Variants in OR56A3 observed in about 807,000 individuals in gnomAD.
OR56A3 encodes the protein olfactory receptor 56A3.
Under a neutral mutation model 17.5 loss-of-function variants are expected in OR56A3, and 23 were observed. The ratio of observed to expected loss-of-function variants is 1.32; its 90% CI spans 0.95 to 1.87. The LOEUF (loss-of-function observed/expected upper bound fraction) is 1.87, where lower values mean the gene tolerates loss of function less well. OR56A3 is among the 40% of genes most tolerant of loss of function. The probability of loss-of-function intolerance (pLI) is 0.00; values close to 1 mark genes in which losing one functional copy is unlikely to be tolerated. For synonymous variants in OR56A3, 175 were observed against 150.6 expected (o/e 1.16, Z -1.19); for missense variants, 366 against 380.1 (o/e 0.96, Z 0.31).
At chr11:6,007,949 C>A in the OR56A3 span, among the ~76,000 whole-genome samples, 1 of 152,136 alleles carries the variant, frequency 6.6e-6, no homozygotes, top group South Asian at 2.1e-4. Context: ...ATCTTCATGG[C>A]TTTTCTTTGT....
chr11:6,012,972 G>A, the OR56A3 span, among the ~76,000 whole-genome samples: 1 of 152,220 alleles, frequency 6.6e-6, no homozygotes. Flanking sequence ...CATGCAGCAG[G>A]AGCAGGCACC....
chr11:5,963,881 T>C, the OR56A3 span, among the ~76,000 whole-genome samples: 1 of 152,140 alleles, frequency 6.6e-6, no homozygotes, highest in Non-Finnish European at 1.5e-5. Flanking sequence ...CCATAAGCTT[T>C]CTTTATTCTT....
chr11:5,950,133 T>C lies in OR56A3; in HGVS notation c.*1839T>C, dbSNP rs756923992. 4 of 152,292 alleles carry C rather than the reference T, an allele frequency of 2.6e-5. No individual in the cohort carries two copies. Among genetic ancestry groups the C allele is most frequent in the Middle Eastern group, 3.4e-3 (1 of 294 alleles). 9.4% of individuals were successfully genotyped at this position (152,292 alleles called of 1,614,324 possible). ...ACCACCTCTTAGGAAATATTAAAAA[T>C]CTGAAAGTTTTAACAATATGCTATA... On this transcript the variant is annotated 3_prime_UTR_variant, in exon 3 of 3. Transcript: ENST00000641160.
chr11:5,985,792 T>C, the OR56A3 span: 1 of 699,126 alleles, frequency 1.4e-6, no homozygotes, highest in Non-Finnish European at 2.3e-6. Context: ...GCCAAGTATC[T>C]GTGGGTGTTC....
At chr11:5,982,649 C>A in the OR56A3 span, among the ~76,000 whole-genome samples, 1 of 152,138 alleles carries the variant, frequency 6.6e-6, no homozygotes, top group Non-Finnish European at 1.5e-5. Context: ...AGGAGCATGG[C>A]AAGCCTTGGG....
chr11:5,947,994 C>T lies in OR56A3; in HGVS notation c.648C>T (p.Ile216=), dbSNP rs1364971155. ...GGACTCTGCTAGGATCTGACCTCAT[C>T]CTTATCTTCCTCTCCTACACCTTCA... The part of the protein sequence containing the change: ...GGWTLLGSDL[I]LIFLSYTFIL... Residue 216 remains isoleucine (I), a synonymous_variant, in exon 3 of 3, where the codon ATC becomes ATT. Transcript: ENST00000641160. 1 of 1,614,210 alleles carries T rather than the reference C, an allele frequency of 6.2e-7. No individual in the cohort carries two copies. The highest frequency in any genetic ancestry group is 1.7e-5 in the Admixed American group (1 of 60,026).
chr11:5,970,115 C>T, the OR56A3 span, among the ~76,000 whole-genome samples: 1 of 151,952 alleles, frequency 6.6e-6, no homozygotes, highest in East Asian at 1.9e-4. Flanking sequence ...TGTAAACTAT[C>T]AAAATACATG....
the OR56A3 span, among the ~76,000 whole-genome samples, chr11:5,970,337 G>C: frequency 6.6e-6 from 1 of 152,324 alleles, no homozygotes; most frequent in South Asian, 2.1e-4. Flanking sequence ...AAATCAAATG[G>C]AGTGGACAGA....
chr11:5,983,397 G>C, the OR56A3 span, among the ~76,000 whole-genome samples: 1 of 151,298 alleles, frequency 6.6e-6, no homozygotes, highest in Non-Finnish European at 1.5e-5. Context: ...CTCTTTTCAT[G>C]CTACCTTATT....
the OR56A3 span, among the ~76,000 whole-genome samples, chr11:6,018,975 A>T: frequency 6.6e-6 from 1 of 152,216 alleles, no homozygotes; most frequent in East Asian, 1.9e-4. Flanking sequence ...TTGAACAAGG[A>T]AGAAATAGAA....
chr11:5,982,239 G>C, the OR56A3 span, among the ~76,000 whole-genome samples: 3 of 152,190 alleles, frequency 2.0e-5, no homozygotes, highest in Non-Finnish European at 4.4e-5. Flanking sequence ...TGGCATAGTG[G>C]GGTCCACGCA....
At chr11:5,962,535 T>C in the OR56A3 span, among the ~76,000 whole-genome samples, 3 of 148,878 alleles carry the variant, frequency 2.0e-5, no homozygotes, top group Non-Finnish European at 4.5e-5. Flanking sequence ...GCTTTTCTTT[T>C]TTTTTTTTTT....
the OR56A3 span, among the ~76,000 whole-genome samples, chr11:6,009,807 A>T: frequency 2.6e-5 from 4 of 152,144 alleles, no homozygotes; most frequent in Non-Finnish European, 4.4e-5. Flanking sequence ...TATCCCTTTG[A>T]ATGTTTCTCC....
chr11:6,005,929 A>G, the OR56A3 span, among the ~76,000 whole-genome samples: 1 of 152,248 alleles, frequency 6.6e-6, no homozygotes, highest in East Asian at 1.9e-4. Context: ...CACTGAGACC[A>G]TAGCAGATAG....
chr11:5,994,800 G>A, the OR56A3 span: 1 of 754,464 alleles, frequency 1.3e-6, no homozygotes, highest in Admixed American at 1.7e-5. Context: ...TCTACCTGGG[G>A]TCCCTTCCTC....
At chr11:6,008,264 C>G in the OR56A3 span, among the ~76,000 whole-genome samples, 1 of 152,142 alleles carries the variant, frequency 6.6e-6, no homozygotes, top group Non-Finnish European at 1.5e-5. Context: ...GGAATATAAT[C>G]CCACTCCTTA....
chr11:5,955,256 A>G (rs963312557), downstream of OR56A3, among the ~76,000 whole-genome samples: 1 of 152,224 alleles, frequency 6.6e-6, no homozygotes, highest in Non-Finnish European at 1.5e-5. Flanking sequence ...ATTAAAATCA[A>G]GACTTGAAAG....
chr11:5,963,299 T>C, the OR56A3 span, among the ~76,000 whole-genome samples: 1 of 152,166 alleles, frequency 6.6e-6, no homozygotes, highest in Non-Finnish European at 1.5e-5. Context: ...TTTTTCTTTA[T>C]TCATGTATGT....
the OR56A3 span, among the ~76,000 whole-genome samples, chr11:6,004,713 C>T: frequency 3.3e-5 from 5 of 152,184 alleles, no homozygotes; most frequent in East Asian, 9.7e-4. Flanking sequence ...GGAAAATGAC[C>T]CTCAGTGTGA....
Sources: gnomAD v4.1 joint callset for allele counts (sites outside exome capture counted in the v4.1 genomes callset) on GRCh38, gnomAD v4.1.1 for gene constraint, MANE v1.5 for transcripts, NCBI Gene and HGNC (gene_info 2026-07-23, HGNC 2026-07-21) for gene names.